The following GON4L variants were observed in gnomAD, a reference collection of about 807,000 sequenced individuals.
GON4L encodes the protein gon-4 like.
Under a neutral mutation model 211.8 loss-of-function variants are expected in GON4L, and 87 were observed. That is an observed-to-expected ratio of 0.41 (90% CI 0.35 to 0.49). The LOEUF (loss-of-function observed/expected upper bound fraction) is 0.49, where lower values mean the gene tolerates loss of function less well. Among genes scored for constraint, GON4L ranks in the 20% least tolerant of loss-of-function variants. The pLI is 0.15. For missense variants in GON4L, 2,155 were observed against 2,659.5 expected, an observed-to-expected ratio of 0.81 and a Z score of 4.17; for synonymous variants, 875 against 962.6, an observed-to-expected ratio of 0.91 and a Z score of 1.68.
Position 155,749,869 on chromosome 1 carries a change from C to T in GON4L, c.*715G>A. ...GGACTTCCTTATCAGTTTGGCGAGT[C>T]CCAGGGCAGAATAATCATCCATCTA... On this transcript the variant is annotated 3_prime_UTR_variant, in exon 32 of 32. Transcript: ENST00000368331. The T allele has an allele frequency of 6.2e-7, 1 of 1,603,540 alleles. No individual in the cohort carries two copies. The highest frequency in any genetic ancestry group is 8.5e-7 in the Non-Finnish European group (1 of 1,174,048).
chr1:155,833,204 G>C (rs371344276), intron 2 of GON4L, among the ~76,000 whole-genome samples: 1 of 152,238 alleles, frequency 6.6e-6, no homozygotes, highest in South Asian at 2.1e-4. Context: ...CAATAACTGA[G>C]TGACTATGAA....
At chr1:155,817,689 G>A (rs1668369373) in intron 6 of GON4L, among the ~76,000 whole-genome samples, 1 of 152,126 alleles carries the variant, frequency 6.6e-6, no homozygotes, top group Non-Finnish European at 1.5e-5. Flanking sequence ...CAAGGCAGAA[G>A]GATCACTTGA....
rs184325448 is a variant in GON4L at position 155,810,477 on chromosome 1, G to C, written c.1452+3157C>G. 2.7e-5 allele frequency among the ~76,000 whole-genome samples: 4 copies of C among 148,428 alleles called. No individual in the cohort carries two copies. In the Admixed American group the frequency reaches 2.7e-4, roughly 10 times the overall value. On this transcript the variant is annotated intron_variant, in intron 10 of 31. Transcript: ENST00000368331. ...AATCCTAGCACTTTGGGAGGCCAAG[G>C]CAGGCGGATCATGAGGTCAGGAGAT...
At chr1:155,849,773 CAAAAAA>C (rs11330008) in intron 2 of GON4L, among the ~76,000 whole-genome samples, 1 of 77,356 alleles carries the variant, frequency 1.3e-5, no homozygotes, top group African/African-American at 4.8e-5. Context: ...GACTCCGTCT[CAAAAAA>C]AAAAAAAAAA....
At chr1:155,752,631 A>T in intron 29 of GON4L, 41 bp from the exon 30 acceptor site, 1 of 1,556,884 alleles carries the variant, frequency 6.4e-7, no homozygotes, top group Non-Finnish European at 8.7e-7. Context: ...TGTCAGGTTC[A>T]AGATGCACCT....
rs780720104 is a variant in GON4L, at chr1:155,804,783, G to GA, written c.1645+165dup. Among the ~76,000 whole-genome samples the GA allele has an allele frequency of 4.8e-3, 637 of 131,490 alleles. 2 individuals are homozygous for GA. Among genetic ancestry groups the GA allele is most frequent in the African/African-American group, 0.012 (423 of 35,066 alleles). The allele number at this position is 131,490 out of a possible 152,430, so 86.3% of individuals were successfully genotyped here. ...GTGACAGAGTGAGACCCTGTCTCAG[G>GA]AAAAAAAAAAAAAGAAAAATTAACT... is the stretch of plus-strand genomic sequence containing the variant. On this transcript the variant is annotated intron_variant, in intron 11 of 31. Coordinates refer to ENST00000368331, the MANE Select transcript of GON4L (RefSeq NM_001282860.2).
chr1:155,834,106 G>A (rs1405378315), intron 2 of GON4L, among the ~76,000 whole-genome samples: 1 of 152,046 alleles, frequency 6.6e-6, no homozygotes, highest in Non-Finnish European at 1.5e-5. Context: ...TTACAGGTGT[G>A]AGCCACTGTT....
intron 11 of GON4L, among the ~76,000 whole-genome samples, chr1:155,799,426 C>A (rs1238431904): frequency 6.6e-6 from 1 of 152,078 alleles, no homozygotes; most frequent in Admixed American, 6.6e-5. Flanking sequence ...AAGAGTGAGA[C>A]CCTGTCTCAA....
At chr1:155,841,983 G>T (rs755550252) in intron 2 of GON4L, among the ~76,000 whole-genome samples, 1 of 151,910 alleles carries the variant, frequency 6.6e-6, no homozygotes, top group Admixed American at 6.6e-5. Context: ...AGCTGAGATC[G>T]TGCCACTGCA....
chr1:155,857,726 C>CAAA (rs66538874), upstream of GON4L, among the ~76,000 whole-genome samples: 1 of 146,558 alleles, frequency 6.8e-6, no homozygotes, highest in African/African-American at 2.5e-5. Flanking sequence ...GACTCTGTAT[C>CAAA]AAAAAAAAAA....
Position 155,814,361 on chromosome 1 carries a change from TCA to T in GON4L, c.1248_1249del (p.Glu417AsnfsTer3). On this transcript the variant is annotated frameshift_variant, in exon 9 of 32. Transcript: ENST00000368331. LOFTEE classifies it high-confidence loss of function. ...TAATATGCCACTCTCCTCATCTGTT[TCA>T]GTCATCTCAGAAGACTGCCTCAATC... 1 of 1,612,962 alleles carries T rather than the reference TCA, an allele frequency of 6.2e-7. No individual in the cohort carries two copies. Among genetic ancestry groups the T allele is most frequent in the Non-Finnish European group, 8.5e-7 (1 of 1,178,944 alleles).
In GON4L at chr1:155,784,108, G is replaced by A; in HGVS notation, c.1789-19C>T. ...CTTGGAACTGTGGGCAAAGGAAAGG[G>A]AGGGTTTTCCTGGGGAATGGGCCTC... On this transcript the variant is annotated intron_variant, in intron 13 of 31. Coordinates refer to ENST00000368331, the MANE Select transcript of GON4L (RefSeq NM_001282860.2). 6.2e-7 allele frequency: 1 copy of A among 1,613,120 alleles called. No individual in the cohort carries two copies. Among genetic ancestry groups the A allele is most frequent in the Non-Finnish European group, 8.5e-7 (1 of 1,179,166 alleles).
At chr1:155,788,174 G>A (rs750851911) in intron 12 of GON4L, among the ~76,000 whole-genome samples, 1 of 151,904 alleles carries the variant, frequency 6.6e-6, no homozygotes, top group Non-Finnish European at 1.5e-5. Context: ...TGTAGTTTTA[G>A]TAGCGACGGT....
At chr1:155,752,672 T>C (rs1475059626) in intron 29 of GON4L, 82 bp from the exon 30 acceptor site, 3 of 1,543,716 alleles carry the variant, frequency 1.9e-6, no homozygotes, top group South Asian at 1.2e-5. Flanking sequence ...GGCCAGGTAC[T>C]GTGCAAAAAT....
chr1:155,775,855 G>A (rs1402840780), intron 16 of GON4L, among the ~76,000 whole-genome samples: 1 of 152,138 alleles, frequency 6.6e-6, no homozygotes, highest in African/African-American at 2.4e-5. Flanking sequence ...CGCGATCTCA[G>A]CTCACTGTAA....
At chr1:155,783,602 A>G (rs943163977) in intron 14 of GON4L, among the ~76,000 whole-genome samples, 1 of 152,260 alleles carries the variant, frequency 6.6e-6, no homozygotes, top group Non-Finnish European at 1.5e-5. Flanking sequence ...GGTGACTAAC[A>G]AATTTTCAGT....
Position 155,767,340 on chromosome 1 carries a change from T to C in GON4L, c.2763+85A>G, listed in dbSNP as rs562145425. On this transcript the variant is annotated intron_variant, in intron 20 of 31. Transcript: ENST00000368331. Reference sequence around the variant, plus strand: ...AGTCCTAGTTCTACAACTAAAGCATTAGACGATTAAGGAAGCCCTTGATAT... The same window carrying C: ...AGTCCTAGTTCTACAACTAAAGCATCAGACGATTAAGGAAGCCCTTGATAT... 4.7e-5 allele frequency: 76 copies of C among 1,613,546 alleles called. No individual in the cohort carries two copies. The Middle Eastern group carries it at 4.9e-4, about 10-fold the overall frequency.
At chr1:155,768,406 T>C (rs1426600032) in intron 19 of GON4L, among the ~76,000 whole-genome samples, 3 of 151,042 alleles carry the variant, frequency 2.0e-5, no homozygotes, top group African/African-American at 4.9e-5. Flanking sequence ...GTCAGGAGAT[T>C]GAGACCATCC....
chr1:155,832,947 T>C (rs1669937380), intron 2 of GON4L: 1 of 149,266 alleles, frequency 6.7e-6, no homozygotes, highest in Non-Finnish European at 1.5e-5. Flanking sequence ...TTGTGTTACA[T>C]TATCTGATTG....
Sources: allele counts gnomAD v4.1 joint callset (sites outside exome capture counted in the v4.1 genomes callset), GRCh38; gene constraint gnomAD v4.1.1; transcripts MANE v1.5; gene names NCBI Gene and HGNC (gene_info 2026-07-23, HGNC 2026-07-21).